Variants in GALNT13 observed in about 807,000 individuals in gnomAD.
GALNT13 encodes UDP-GalNAc:polypeptide N-acetylgalactosaminyltransferase 13.
A neutral mutation model predicts 64.2 loss-of-function variants in GALNT13; 28 were observed. The ratio of observed to expected loss-of-function variants is 0.44; its 90% CI spans 0.32 to 0.60. GALNT13 has a LOEUF of 0.60. GALNT13 is among the 20% of genes least tolerant of loss of function. The pLI is 0.05. For missense variants in GALNT13, 577 were observed against 669.8 expected (o/e 0.86, Z 1.53); for synonymous variants, 214 against 224.6 (o/e 0.95, Z 0.42).
the GALNT13 span, among the ~76,000 whole-genome samples, chr2:153,455,580 T>C: frequency 1.3e-5 from 2 of 152,172 alleles, no homozygotes; most frequent in African/African-American, 4.8e-5. Context: ...AGACGGATGC[T>C]GAAGTGCCGG....
chr2:153,423,177 AT>A, the GALNT13 span, among the ~76,000 whole-genome samples: 1 of 151,898 alleles, frequency 6.6e-6, no homozygotes, highest in Non-Finnish European at 1.5e-5. Context: ...AGAATGATGA[AT>A]TTTTTTCTTA....
intron 3 of GALNT13, among the ~76,000 whole-genome samples, chr2:154,054,041 T>C (rs1699778097): frequency 6.6e-6 from 1 of 152,176 alleles, no homozygotes; most frequent in Admixed American, 6.5e-5. Context: ...GCCTGTATTT[T>C]ATACTCACAA....
chr2:154,413,274 A>G (rs1699870274), intron 11 of GALNT13, among the ~76,000 whole-genome samples: 1 of 151,934 alleles, frequency 6.6e-6, no homozygotes, highest in African/African-American at 2.4e-5. Flanking sequence ...CCTAACATAG[A>G]AACATACTTC....
At chr2:153,749,332 T>C in the GALNT13 span, among the ~76,000 whole-genome samples, 1 of 152,062 alleles carries the variant, frequency 6.6e-6, no homozygotes, top group Non-Finnish European at 1.5e-5. Context: ...GAGTCTTTCA[T>C]GGGTTCAAAT....
chr2:154,202,827 G>A (rs1301430543), intron 4 of GALNT13, among the ~76,000 whole-genome samples: 1 of 152,074 alleles, frequency 6.6e-6, no homozygotes, highest in African/African-American at 2.4e-5. Flanking sequence ...TGATTCCAAG[G>A]TAACTGTGCA....
intron 3 of GALNT13, among the ~76,000 whole-genome samples, chr2:154,039,073 A>G (rs775338453): frequency 6.6e-6 from 1 of 152,156 alleles, no homozygotes; most frequent in African/African-American, 2.4e-5. Flanking sequence ...ACCTAACCTC[A>G]GTTAGAATAG....
chr2:153,546,678 G>C, the GALNT13 span, among the ~76,000 whole-genome samples: 7 of 152,246 alleles, frequency 4.6e-5, no homozygotes, highest in Non-Finnish European at 8.8e-5. Context: ...ATCAAGTTTT[G>C]TGTTAGCATT....
chr2:154,122,214 A>AT (rs966532141), intron 3 of GALNT13, among the ~76,000 whole-genome samples: 7 of 151,712 alleles, frequency 4.6e-5, no homozygotes, highest in African/African-American at 7.2e-5. Context: ...TATTTATTAT[A>AT]TTTTTTTTGT....
chr2:154,198,103 ATTTTTAAGAAATTACC>A (rs890849034), intron 4 of GALNT13, among the ~76,000 whole-genome samples: 1 of 152,144 alleles, frequency 6.6e-6, no homozygotes, highest in Non-Finnish European at 1.5e-5. Context: ...GATAAATTAC[ATTTTTAAGAAATTACC>A]TTTTTAAGAA....
the GALNT13 span, among the ~76,000 whole-genome samples, chr2:153,600,620 C>T: frequency 6.6e-6 from 1 of 151,982 alleles, no homozygotes; most frequent in African/African-American, 2.4e-5. Context: ...GCTTTACATC[C>T]TCCCAACGCC....
At chr2:154,099,379 C>T (rs910288454) in intron 3 of GALNT13, among the ~76,000 whole-genome samples, 2 of 152,122 alleles carry the variant, frequency 1.3e-5, no homozygotes, top group East Asian at 1.9e-4. Flanking sequence ...TCAGTTTACT[C>T]TGCTGATTAT....
chr2:154,159,997 G>T (rs537453522), intron 4 of GALNT13, among the ~76,000 whole-genome samples: 1 of 152,232 alleles, frequency 6.6e-6, no homozygotes, highest in South Asian at 2.1e-4. Flanking sequence ...ATAATTAAGG[G>T]AACTGAGGGA....
chr2:153,312,141 A>C, the GALNT13 span, among the ~76,000 whole-genome samples: 1 of 152,194 alleles, frequency 6.6e-6, no homozygotes, highest in Admixed American at 6.5e-5. Context: ...TTAATCTATC[A>C]CTATAGGGCT....
the GALNT13 span, among the ~76,000 whole-genome samples, chr2:153,694,044 C>A: frequency 6.6e-6 from 1 of 152,060 alleles, no homozygotes; most frequent in South Asian, 2.1e-4. Context: ...GGAGGCAGAG[C>A]TGGCAGTGAG....
At chr2:153,859,810 T>C in the GALNT13 span, among the ~76,000 whole-genome samples, 1 of 152,174 alleles carries the variant, frequency 6.6e-6, no homozygotes, top group Non-Finnish European at 1.5e-5. Flanking sequence ...CTATACTTTT[T>C]AATGGAAGAC....
chr2:154,101,481 G>A (rs908719202), intron 3 of GALNT13, among the ~76,000 whole-genome samples: 10 of 151,912 alleles, frequency 6.6e-5, no homozygotes, highest in Non-Finnish European at 7.4e-5. Context: ...TTGTATTTCC[G>A]TGGTATCAAC....
chr2:154,401,447 G>A (rs1699299512), intron 10 of GALNT13, among the ~76,000 whole-genome samples: 1 of 152,068 alleles, frequency 6.6e-6, no homozygotes, highest in Non-Finnish European at 1.5e-5. Flanking sequence ...AATTCTTGGG[G>A]ACTCAGTAGC....
At chr2:153,075,852 TA>T in the GALNT13 span, among the ~76,000 whole-genome samples, 2 of 152,194 alleles carry the variant, frequency 1.3e-5, no homozygotes, top group Non-Finnish European at 2.9e-5. Flanking sequence ...GCCCTTTACT[TA>T]GATAAATGAT....
chr2:153,345,682 T>TCTTTCTTTCTTG, the GALNT13 span, among the ~76,000 whole-genome samples: 3 of 145,592 alleles, frequency 2.1e-5, no homozygotes, highest in East Asian at 2.1e-4. Flanking sequence ...TTTCTTTCTT[T>TCTTTCTTTCTTG]CTTTCTTTCT....
Sources: allele counts gnomAD v4.1 joint callset (sites outside exome capture counted in the v4.1 genomes callset), GRCh38; gene constraint gnomAD v4.1.1; transcripts MANE v1.5; gene names NCBI Gene and HGNC (gene_info 2026-07-23, HGNC 2026-07-21).